CFAP61: variants seen among roughly 807,000 people sequenced by gnomAD.
CFAP61 encodes cilia and flagella associated protein 61, also known as cilia- and flagella-associated protein 61.
CFAP61 carries 107 observed loss-of-function variants against 135.6 expected under a neutral mutation model. That is an observed-to-expected ratio of 0.79 (90% CI 0.67 to 0.93). The LOEUF (loss-of-function observed/expected upper bound fraction) is 0.93. CFAP61 is among the 40% of genes least tolerant of loss of function. The pLI is 0.00. For missense variants in CFAP61, 1,507 were observed against 1,556.2 expected (o/e 0.97, Z 0.53); for synonymous variants, 575 against 578.5 (o/e 0.99, Z 0.09).
Position 20,122,973 on chromosome 20 carries a change from T to C in CFAP61, c.860-19884T>C, listed in dbSNP as rs145174981. On this transcript the variant is annotated intron_variant, in intron 8 of 26. Transcript: ENST00000245957. ...TTTATTATGGCCATTCTTGCAGGAG[T>C]AAGGTGGTGTTGCATTGTGGTTTTG... Among the ~76,000 whole-genome samples, 732 of 151,724 alleles carry C rather than the reference T, an allele frequency of 4.8e-3. 27 individuals carry two copies. Among genetic ancestry groups the C allele is most frequent in the African/African-American group, 0.017 (698 of 41,092 alleles).
At chr20:20,259,288 C>T (rs1030234742) in intron 20 of CFAP61, among the ~76,000 whole-genome samples, 3 of 120,644 alleles carry the variant, frequency 2.5e-5, no homozygotes, top group African/African-American at 9.6e-5. Flanking sequence ...GTTCTGACTC[C>T]TGTCACCCAG....
chr20:20,211,995 A>G (rs1739893598), intron 17 of CFAP61, among the ~76,000 whole-genome samples: 1 of 152,192 alleles, frequency 6.6e-6, no homozygotes, highest in African/African-American at 2.4e-5. Context: ...ATCTGTCACA[A>G]ATCACAGTTG....
chr20:20,096,866 A>G lies in CFAP61; in HGVS notation c.700-1789A>G, dbSNP rs150536712. 2.6e-4 allele frequency among the ~76,000 whole-genome samples: 40 copies of G among 152,376 alleles called. 1 individual carries two copies. The East Asian group carries it at 7.5e-3, about 29-fold the overall frequency. On this transcript the variant is annotated intron_variant, in intron 7 of 26. Coordinates refer to ENST00000245957, the MANE Select transcript of CFAP61 (RefSeq NM_015585.4). ...ATTTTGGACTTTTATTAAAGTGTCA[A>G]TGGCTTTATAAAACAGCTGTGTAAA... is the stretch of plus-strand genomic sequence containing the variant.
chr20:20,294,756 G>A (rs959630358), intron 24 of CFAP61, among the ~76,000 whole-genome samples: 37 of 151,346 alleles, frequency 2.4e-4, no homozygotes, highest in South Asian at 4.2e-4. Context: ...GTGAAACCCC[G>A]TCTCTACTAA....
At chr20:20,096,000 C>T (rs533495838) in intron 7 of CFAP61, among the ~76,000 whole-genome samples, 7 of 152,146 alleles carry the variant, frequency 4.6e-5, no homozygotes, top group Non-Finnish European at 1.0e-4. Flanking sequence ...TAGATATTTA[C>T]AGGACAAGCA....
chr20:20,187,941 T>C lies in CFAP61; in HGVS notation c.1397T>C (p.Ile466Thr), dbSNP rs769970037. 3.0e-5 allele frequency: 49 copies of C among 1,612,962 alleles called. No individual in the cohort carries two copies. Among genetic ancestry groups the C allele is most frequent in the South Asian group, 1.6e-4 (15 of 91,054 alleles). Residue 466 changes from isoleucine (I) to threonine (T), a missense_variant, in exon 14 of 27, where the codon ATA (isoleucine) becomes ACA (threonine). Ile to Thr is a moderately conservative substitution (Grantham distance 89). Transcript: ENST00000245957. ...HRAGLLKSIN[I>T]RFATLLDTPG... ...CTCTCCTTACCCAGGTCCATTAATATAAGATTTGCCACTCTCTTGGATACT... is the reference window on the plus strand; with the variant it reads ...CTCTCCTTACCCAGGTCCATTAATACAAGATTTGCCACTCTCTTGGATACT...
intron 26 of CFAP61, among the ~76,000 whole-genome samples, chr20:20,354,547 C>T (rs1012717137): frequency 3.3e-5 from 5 of 150,218 alleles, no homozygotes; most frequent in East Asian, 3.9e-4. Flanking sequence ...AAATACTGCA[C>T]GATCTCACTT....
Position 20,136,511 on chromosome 20 carries a change from T to G in CFAP61, c.860-6346T>G, listed in dbSNP as rs185295848. 1.2e-4 allele frequency among the ~76,000 whole-genome samples: 7 copies of G among 59,540 alleles called. No individual in the cohort carries two copies. In the East Asian group the frequency reaches 1.5e-3, roughly 13 times the overall value. 39.1% of individuals were successfully genotyped at this position (59,540 alleles called of 152,430 possible). A position where few individuals can be genotyped will look rare whatever the true frequency, so the allele number is the denominator to read the frequency against. ...CTAATTCTTTCTTTTGCTTAGTCAA[T>G]TCTGCTATTAAGAGACTGATACATT... On this transcript the variant is annotated intron_variant, in intron 8 of 26. Transcript: ENST00000245957.
chr20:20,090,003 A>G (rs1024973932), intron 6 of CFAP61, among the ~76,000 whole-genome samples: 1 of 152,226 alleles, frequency 6.6e-6, no homozygotes, highest in African/African-American at 2.4e-5. Context: ...TAACTATGAA[A>G]CAGGAAGGGA....
rs371771155 is a variant in CFAP61 at position 20,327,745 on chromosome 20, A to G, written c.3423-14086A>G. On this transcript the variant is annotated intron_variant, in intron 25 of 26. Coordinates refer to ENST00000245957, the MANE Select transcript of CFAP61 (RefSeq NM_015585.4). Reference sequence around the variant, plus strand: ...TGATTTCCTGGAAGAAAAGAAATGCATTCCAGCCTGGGCAACAGAGCAAGA... The same window carrying G: ...TGATTTCCTGGAAGAAAAGAAATGCGTTCCAGCCTGGGCAACAGAGCAAGA... 6.5e-5 allele frequency among the ~76,000 whole-genome samples: 9 copies of G among 139,064 alleles called. No individual in the cohort carries two copies. The East Asian group carries it at 1.8e-3, about 27-fold the overall frequency. The allele number at this position is 139,064 out of a possible 152,430, so 91.2% of individuals were successfully genotyped here.
At chr20:20,072,120 T>G (rs1314117282) in intron 3 of CFAP61, among the ~76,000 whole-genome samples, 1 of 80,634 alleles carries the variant, frequency 1.2e-5, no homozygotes, top group Non-Finnish European at 2.2e-5. Flanking sequence ...TTTTTTTTTT[T>G]TTTTTTTTTT....
intron 26 of CFAP61, among the ~76,000 whole-genome samples, chr20:20,350,497 T>C (rs960633415): frequency 1.3e-5 from 2 of 152,052 alleles, no homozygotes; most frequent in Non-Finnish European, 2.9e-5. Flanking sequence ...GACGTGATAG[T>C]GCACACCAGT....
intron 6 of CFAP61, among the ~76,000 whole-genome samples, chr20:20,084,461 G>T (rs2046655396): frequency 1.3e-5 from 2 of 151,930 alleles, no homozygotes; most frequent in African/African-American, 2.4e-5. Context: ...CCTTAAGTGT[G>T]AGTTTTCCAT....
At chr20:20,356,147 G>T (rs1275837175) in intron 26 of CFAP61, among the ~76,000 whole-genome samples, 6 of 118,348 alleles carry the variant, frequency 5.1e-5, no homozygotes, top group East Asian at 3.1e-4. Flanking sequence ...AGAGGAGGTG[G>T]TCACACTGAG....
intron 18 of CFAP61, among the ~76,000 whole-genome samples, chr20:20,234,169 G>A (rs1343735161): frequency 6.6e-6 from 1 of 152,184 alleles, no homozygotes; most frequent in East Asian, 1.9e-4. Flanking sequence ...AGGGCCGTGT[G>A]ACAGGGAAGT....
chr20:20,273,860 C>T (rs1293571127), intron 21 of CFAP61, among the ~76,000 whole-genome samples: 4 of 152,194 alleles, frequency 2.6e-5, no homozygotes, highest in African/African-American at 7.2e-5. Context: ...GTCTGTGGGG[C>T]CCAGATATAG....
chr20:20,286,982 G>A (rs1246969172), intron 22 of CFAP61, among the ~76,000 whole-genome samples: 1 of 152,168 alleles, frequency 6.6e-6, no homozygotes, highest in African/African-American at 2.4e-5. Flanking sequence ...GGCTCAAGAG[G>A]TTGATAGCAC....
At chr20:20,296,382 C>T (rs2076880091) in intron 24 of CFAP61, among the ~76,000 whole-genome samples, 3 of 109,316 alleles carry the variant, frequency 2.7e-5, no homozygotes, top group Non-Finnish European at 3.8e-5. Flanking sequence ...CTCCTTCCCT[C>T]CCTCCCTCCT....
chr20:20,085,442 C>G (rs761966607), intron 6 of CFAP61: 1 of 1,365,560 alleles, frequency 7.3e-7, no homozygotes, highest in Non-Finnish European at 9.8e-7. Flanking sequence ...ACAAGTTCCT[C>G]TTTATCCATT....
Sources: allele counts gnomAD v4.1 joint callset (sites outside exome capture counted in the v4.1 genomes callset), GRCh38; gene constraint gnomAD v4.1.1; transcripts MANE v1.5; gene names NCBI Gene and HGNC (gene_info 2026-07-23, HGNC 2026-07-21).